Variants in TMEM217 observed in about 807,000 individuals in gnomAD.
TMEM217 encodes the protein chromosome 6 open reading frame 128.
For synonymous variants in TMEM217, 76 were observed against 88.3 expected (o/e 0.86, Z 0.78); for missense variants, 204 against 248.8 (o/e 0.82, Z 1.21).
intron 1 of TMEM217, among the ~76,000 whole-genome samples, chr6:37,238,993 G>T (rs1764629061): frequency 6.6e-6 from 1 of 152,154 alleles, no homozygotes; most frequent in African/African-American, 2.4e-5. Flanking sequence ...AGCCAGGCAT[G>T]TTGGCACATG....
chr6:37,231,226 A>ATTTTTTTT (rs35394043), intron 1 of TMEM217, among the ~76,000 whole-genome samples: 2 of 87,446 alleles, frequency 2.3e-5, no homozygotes, highest in Non-Finnish European at 4.3e-5. Flanking sequence ...TGCCTGGCTA[A>ATTTTTTTT]TTTTTTTTTT....
rs532023097 is a variant in TMEM217, at chr6:37,225,162, T to C, written c.-11-6121A>G. On this transcript the variant is annotated intron_variant, in intron 1 of 1. Coordinates refer to ENST00000357219, the Ensembl canonical transcript of TMEM217. ...TTGCAGTGAGCCAAGATTGTGACAC[T>C]GCACTCCAGCCTCGGTGACAGAGCG... 5.3e-5 allele frequency among the ~76,000 whole-genome samples: 8 copies of C among 152,058 alleles called. No homozygotes were observed. In the East Asian group the frequency reaches 1.5e-3, roughly 29 times the overall value.
chr6:37,246,412 T>C (rs1012412792), intron 1 of TMEM217, among the ~76,000 whole-genome samples: 2 of 152,150 alleles, frequency 1.3e-5, no homozygotes, highest in Non-Finnish European at 2.9e-5. Flanking sequence ...TGGAAACATA[T>C]GATACTTCTT....
intron 1 of TMEM217, among the ~76,000 whole-genome samples, chr6:37,238,451 T>C (rs2113877944): frequency 6.6e-6 from 1 of 152,346 alleles, no homozygotes; most frequent in Non-Finnish European, 1.5e-5. Context: ...AGAAGTCTGC[T>C]TTCTCTCAGG....
chr6:37,244,304 G>A lies in TMEM217; in HGVS notation c.-12+13264C>T, dbSNP rs115736396. Among the ~76,000 whole-genome samples the A allele has an allele frequency of 3.4e-3, 515 of 152,356 alleles. 2 individuals are homozygous for A. Among genetic ancestry groups the A allele is most frequent in the African/African-American group, 0.011 (455 of 41,572 alleles). On this transcript the variant is annotated intron_variant, in intron 1 of 1. Transcript: ENST00000357219. ...TCAACTGTGTCAGATTTCTCTTACT[G>A]TCGTAGTTTTGCAAAGGCAGTTTCA... is the stretch of plus-strand genomic sequence containing the variant.
intron 1 of TMEM217, among the ~76,000 whole-genome samples, chr6:37,237,328 C>T (rs1350280115): frequency 6.6e-6 from 1 of 152,164 alleles, no homozygotes; most frequent in East Asian, 1.9e-4. Context: ...TCCCTCAGTC[C>T]TGCAACATTC....
At chr6:37,227,140 G>C (rs1179880810) in intron 1 of TMEM217, among the ~76,000 whole-genome samples, 1 of 152,126 alleles carries the variant, frequency 6.6e-6, no homozygotes, top group Non-Finnish European at 1.5e-5. Context: ...CTTGTGTCTT[G>C]TGGGTTTCAG....
chr6:37,242,952 T>C (rs1764850687), intron 1 of TMEM217, among the ~76,000 whole-genome samples: 1 of 152,176 alleles, frequency 6.6e-6, no homozygotes, highest in Non-Finnish European at 1.5e-5. Context: ...CTTCTTCTCA[T>C]GGCTCATTGG....
chr6:37,235,968 C>T (rs1764480714), intron 1 of TMEM217, among the ~76,000 whole-genome samples: 1 of 152,042 alleles, frequency 6.6e-6, no homozygotes, highest in Non-Finnish European at 1.5e-5. Context: ...ACATTCAAAC[C>T]ACAGCAATAT....
At chr6:37,219,177 G>A in intron 1 of TMEM217, 136 bp from the exon 2 acceptor site, 1 of 764,864 alleles carries the variant, frequency 1.3e-6, no homozygotes, top group Non-Finnish European at 2.1e-6. Flanking sequence ...CTATAGCCTT[G>A]GGAAGACACA....
At chr6:37,249,683 A>G (rs924248654) in intron 1 of TMEM217, among the ~76,000 whole-genome samples, 2 of 152,188 alleles carry the variant, frequency 1.3e-5, no homozygotes, top group Non-Finnish European at 2.9e-5. Flanking sequence ...TTCCTGTTCA[A>G]CCAAATTTTG....
At chr6:37,229,302 G>T (rs966316804) in intron 1 of TMEM217, among the ~76,000 whole-genome samples, 1 of 140,516 alleles carries the variant, frequency 7.1e-6, no homozygotes, top group African/African-American at 2.7e-5. Flanking sequence ...ACAGGACTTT[G>T]GAAAATCTGA....
chr6:37,219,112 T>C, intron 1 of TMEM217, 71 bp from the exon 2 acceptor site: 1 of 1,356,490 alleles, frequency 7.4e-7, no homozygotes, highest in Non-Finnish European at 1.0e-6. Context: ...GGTTTCTGCC[T>C]CCTTCCCCAA....
chr6:37,218,416 A>G lies in TMEM217; in HGVS notation c.*6T>C. On this transcript the variant is annotated 3_prime_UTR_variant, in exon 2 of 2. Transcript: ENST00000357219. ...GGTCTTGAACTCCTGACCTCAGGCG[A>G]TCCACCTACCTCTGCCTCTCAAAGT... The G allele has an allele frequency of 6.3e-7, 1 of 1,580,780 alleles. No individual in the cohort carries two copies. The highest frequency in any genetic ancestry group is 8.6e-7 in the Non-Finnish European group (1 of 1,158,986).
chr6:37,238,741 GGAT>G (rs2113878723), intron 1 of TMEM217, among the ~76,000 whole-genome samples: 2 of 152,328 alleles, frequency 1.3e-5, no homozygotes, highest in South Asian at 4.1e-4. Flanking sequence ...AGTAGGCTAA[GGAT>G]GCCAACATGA....
chr6:37,212,796 A>G (rs1292453322), downstream of TMEM217: 2 of 746,966 alleles, frequency 2.7e-6, no homozygotes, highest in Non-Finnish European at 2.4e-6. Context: ...CAGTGCTGAT[A>G]TTAGCCCTGT....
chr6:37,224,534 C>T (rs1763705373), intron 1 of TMEM217, among the ~76,000 whole-genome samples: 1 of 151,668 alleles, frequency 6.6e-6, no homozygotes. Flanking sequence ...GGAGGCAGAG[C>T]TTGCAGTGAG....
At chr6:37,227,879 A>C (rs1265883054) in intron 1 of TMEM217, among the ~76,000 whole-genome samples, 1 of 152,094 alleles carries the variant, frequency 6.6e-6, no homozygotes, top group Non-Finnish European at 1.5e-5. Context: ...ATATATCTTG[A>C]GATATATATA....
In TMEM217 at chr6:37,218,749, C is replaced by G. The variant is rs143466352; in HGVS notation, c.282G>C (p.Leu94=). ...AAAAAATCCAGACAATGTAGATGAC[C>G]AGGCCCCTGAAGATCTGGGCATACA... Residue 94 remains leucine (L), a synonymous_variant, in exon 2 of 2, where the codon CTG becomes CTC. Transcript: ENST00000357219. 1.2e-3 allele frequency: 1,973 copies of G among 1,614,134 alleles called. 12 individuals are homozygous for G. The highest frequency in any genetic ancestry group is 9.9e-3 in the African/African-American group (743 of 75,010).
Sources: allele counts gnomAD v4.1 joint callset (sites outside exome capture counted in the v4.1 genomes callset), GRCh38; gene constraint gnomAD v4.1.1; transcripts MANE v1.5; gene names NCBI Gene and HGNC (gene_info 2026-07-23, HGNC 2026-07-21).